Variants in STK32B observed in about 807,000 individuals in gnomAD.
STK32B encodes the protein serine/threonine-protein kinase 32B.
Under a neutral mutation model 52.6 loss-of-function variants are expected in STK32B, and 43 were observed. That is an observed-to-expected ratio of 0.82 (90% CI 0.64 to 1.05). The LOEUF is 1.05. Ranked by LOEUF, STK32B falls within the 50% of genes least tolerant of loss-of-function variation. STK32B has a pLI of 0.00. For synonymous variants in STK32B, 238 were observed against 204.3 expected, an observed-to-expected ratio of 1.17 and a Z score of -1.41; for missense variants, 621 against 534.6, an observed-to-expected ratio of 1.16 and a Z score of -1.59.
At position 5,496,203 on chromosome 4, in the gene STK32B, A is replaced by G. The variant is rs567013240; in HGVS notation, c.1107-2742A>G. 5.7e-4 allele frequency among the ~76,000 whole-genome samples: 87 copies of G among 152,288 alleles called. No individual in the cohort carries two copies. The Middle Eastern group carries it at 0.014, about 24-fold the overall frequency. ...GAGGTGGAGCCTACAGAGGCAGGCA[A>G]GCCTCCTTGAGCTGTGGTGGGCTCC... On this transcript the variant is annotated intron_variant, in intron 11 of 11. Transcript: ENST00000282908.
chr4:5,192,035 A>G (rs1443280695), intron 3 of STK32B, among the ~76,000 whole-genome samples: 1 of 152,184 alleles, frequency 6.6e-6, no homozygotes, highest in Non-Finnish European at 1.5e-5. Flanking sequence ...AACTGTAGAG[A>G]CATAGAAAAC....
intron 2 of STK32B, chr4:5,140,371 G>A: frequency 8.9e-7 from 1 of 1,117,834 alleles, no homozygotes; most frequent in Non-Finnish European, 1.1e-6. Context: ...AGGAGAAGAT[G>A]GCAGGAGTTT....
chr4:5,061,913 CT>C (rs1742232472), intron 1 of STK32B, among the ~76,000 whole-genome samples: 1 of 152,206 alleles, frequency 6.6e-6, no homozygotes, highest in Non-Finnish European at 1.5e-5. Flanking sequence ...GTGCCCATTT[CT>C]TTGAACTTTC....
intron 4 of STK32B, among the ~76,000 whole-genome samples, chr4:5,334,805 C>G (rs1016853294): frequency 1.5e-4 from 23 of 151,942 alleles, no homozygotes; most frequent in Non-Finnish European, 8.8e-5. Flanking sequence ...ATTGAACCAG[C>G]CTTGCATCCT....
chr4:5,274,385 TG>T lies in STK32B; in HGVS notation c.261-56829del, dbSNP rs766667659. Among the ~76,000 whole-genome samples, 6 of 152,032 alleles carry T rather than the reference TG, an allele frequency of 3.9e-5. No individual in the cohort carries two copies. The South Asian group carries it at 1.0e-3, about 26-fold the overall frequency. ...CCTCATGAAGCTGCCCTTTTAATGG[TG>T]GGGGGTAGGGTGGGACAGACCATAT... On this transcript the variant is annotated intron_variant, in intron 3 of 11. Transcript: ENST00000282908.
At chr4:5,145,266 C>A (rs1716821677) in intron 2 of STK32B, among the ~76,000 whole-genome samples, 1 of 152,196 alleles carries the variant, frequency 6.6e-6, no homozygotes, top group Non-Finnish European at 1.5e-5. Flanking sequence ...ATCAATCCAT[C>A]TTATTTTTTG....
intron 4 of STK32B, among the ~76,000 whole-genome samples, chr4:5,366,249 G>C (rs1734870126): frequency 6.6e-6 from 1 of 152,184 alleles, no homozygotes; most frequent in African/African-American, 2.4e-5. Context: ...TTGCTGTGAG[G>C]GTTGAAGCAA....
intron 3 of STK32B, among the ~76,000 whole-genome samples, chr4:5,245,699 A>T (rs1437456979): frequency 6.6e-6 from 1 of 152,146 alleles, no homozygotes; most frequent in African/African-American, 2.4e-5. Context: ...ATGTTTTCGC[A>T]GTGGCTGGTA....
chr4:5,039,955 C>G, the STK32B span, among the ~76,000 whole-genome samples: 1 of 152,180 alleles, frequency 6.6e-6, no homozygotes, highest in African/African-American at 2.4e-5. Flanking sequence ...GTCAGGTAGG[C>G]CATTCTGCTA....
At position 5,104,758 on chromosome 4, in the gene STK32B, A is replaced by G. The variant is rs111440121; in HGVS notation, c.53-35147A>G. On this transcript the variant is annotated intron_variant, in intron 1 of 11. Coordinates refer to ENST00000282908, the MANE Select transcript of STK32B (RefSeq NM_018401.3). ...AGTTTTGCCTGTTTTTGAGCTTTAT[A>G]TAAATAGAATTATGAATGAATATTA... Among the ~76,000 whole-genome samples the G allele has an allele frequency of 5.4e-4, 83 of 152,376 alleles. 1 individual carries two copies. Among genetic ancestry groups the G allele is most frequent in the African/African-American group, 1.9e-3 (78 of 41,588 alleles).
intron 4 of STK32B, among the ~76,000 whole-genome samples, chr4:5,364,798 A>G (rs1232077597): frequency 6.6e-6 from 1 of 152,168 alleles, no homozygotes; most frequent in Non-Finnish European, 1.5e-5. Context: ...TCAGGCCTCC[A>G]TGTGTTCACA....
chr4:5,094,543 A>G (rs1200457700), intron 1 of STK32B, among the ~76,000 whole-genome samples: 1 of 152,296 alleles, frequency 6.6e-6, no homozygotes, highest in Non-Finnish European at 1.5e-5. Flanking sequence ...AGACCCAGCT[A>G]CTTGGGAGGC....
intron 4 of STK32B, among the ~76,000 whole-genome samples, chr4:5,376,616 C>T (rs980213736): frequency 3.9e-5 from 6 of 152,120 alleles, no homozygotes; most frequent in Non-Finnish European, 8.8e-5. Flanking sequence ...TGGAAACTGT[C>T]AGAAATAGGG....
chr4:5,258,547 C>T (rs1214195099), intron 3 of STK32B, among the ~76,000 whole-genome samples: 5 of 152,152 alleles, frequency 3.3e-5, no homozygotes, highest in African/African-American at 7.2e-5. Context: ...GCTCCATTCT[C>T]CCCAGTGTGA....
At chr4:5,481,998 C>T (rs367703688) in intron 11 of STK32B, among the ~76,000 whole-genome samples, 6 of 151,966 alleles carry the variant, frequency 3.9e-5, no homozygotes, top group African/African-American at 7.3e-5. Context: ...TCTTGTAGTA[C>T]AGTTTGAAGT....
chr4:5,440,696 A>G (rs1405421783), intron 6 of STK32B, among the ~76,000 whole-genome samples: 2 of 152,164 alleles, frequency 1.3e-5, no homozygotes, highest in Non-Finnish European at 2.9e-5. Flanking sequence ...TTTCAAAGGA[A>G]ATGCTTCCAG....
intron 1 of STK32B, among the ~76,000 whole-genome samples, chr4:5,114,752 A>G (rs1714621343): frequency 6.6e-6 from 1 of 152,168 alleles, no homozygotes; most frequent in Non-Finnish European, 1.5e-5. Flanking sequence ...CATCTTCAGA[A>G]TGTCCTGTTC....
chr4:5,338,988 C>G (rs1333685870), intron 4 of STK32B, among the ~76,000 whole-genome samples: 1 of 152,170 alleles, frequency 6.6e-6, no homozygotes, highest in South Asian at 2.1e-4. Context: ...TGGCCCTCCC[C>G]AATGTCGTGG....
rs1438377722 is a variant in STK32B, at chr4:5,064,808, A to G, written c.52+12893A>G. Among the ~76,000 whole-genome samples, 4 of 139,124 alleles carry G rather than the reference A, an allele frequency of 2.9e-5. 2 individuals are homozygous for G. The highest frequency in any genetic ancestry group is 6.1e-5 in the Non-Finnish European group (4 of 65,994). The allele number at this position is 139,124 out of a possible 152,430, so 91.3% of individuals were successfully genotyped here. A position where few individuals can be genotyped will look rare whatever the true frequency, so the allele number is the denominator to read the frequency against. ...ATATATAAATATATACTTATGTTGTATACATATATAATATATAAATATATA... is the reference window on the plus strand; with the variant it reads ...ATATATAAATATATACTTATGTTGTGTACATATATAATATATAAATATATA... On this transcript the variant is annotated intron_variant, in intron 1 of 11. Coordinates refer to ENST00000282908, the MANE Select transcript of STK32B (RefSeq NM_018401.3).
Sources: allele counts gnomAD v4.1 joint callset (sites outside exome capture counted in the v4.1 genomes callset), GRCh38; gene constraint gnomAD v4.1.1; transcripts MANE v1.5; gene names NCBI Gene and HGNC (gene_info 2026-07-23, HGNC 2026-07-21).